The following SMYD3 variants were observed in gnomAD, a reference collection of about 807,000 sequenced individuals.
The protein encoded by SMYD3 is SET and MYND domain containing 3, also known as histone-lysine N-methyltransferase SMYD3.
In SMYD3, 36 loss-of-function variants were observed where a neutral mutation model predicts 57.7. The observed-to-expected ratio is 0.62, with a 90% CI of 0.48 to 0.82. The LOEUF (loss-of-function observed/expected upper bound fraction) is 0.82. Ranked by LOEUF, SMYD3 falls within the 40% of genes least tolerant of loss-of-function variation. The pLI is 0.00. For missense variants in SMYD3, 515 were observed against 538.8 expected (o/e 0.96, Z 0.44); for synonymous variants, 211 against 195.0 (o/e 1.08, Z -0.68).
At chr1:246,495,283 A>G (rs1023085571) in intron 1 of SMYD3, among the ~76,000 whole-genome samples, 2 of 133,376 alleles carry the variant, frequency 1.5e-5, no homozygotes, top group African/African-American at 2.9e-5. Flanking sequence ...CGGGAGGCGG[A>G]GCTTGCTGTG....
intron 5 of SMYD3, among the ~76,000 whole-genome samples, chr1:246,123,066 G>A (rs548406650): frequency 6.6e-6 from 1 of 152,128 alleles, no homozygotes; most frequent in Non-Finnish European, 1.5e-5. Context: ...CCTTTACAAT[G>A]TACTATCCTC....
intron 8 of SMYD3, among the ~76,000 whole-genome samples, chr1:245,887,155 A>G (rs1188960109): frequency 2.0e-5 from 3 of 152,158 alleles, no homozygotes; most frequent in Non-Finnish European, 2.9e-5. Flanking sequence ...AACAGGTCAT[A>G]AAGACCTTGC....
At chr1:245,979,745 A>G (rs1405736383) in intron 5 of SMYD3, among the ~76,000 whole-genome samples, 3 of 152,210 alleles carry the variant, frequency 2.0e-5, no homozygotes, top group Non-Finnish European at 2.9e-5. Context: ...AATCGAATAC[A>G]GCATCCCAAT....
chr1:245,987,838 C>T (rs531824377), intron 5 of SMYD3, among the ~76,000 whole-genome samples: 1 of 152,122 alleles, frequency 6.6e-6, no homozygotes, highest in Non-Finnish European at 1.5e-5. Flanking sequence ...AGAACAGCTT[C>T]GTTGTATTCT....
chr1:245,795,079 G>C (rs1193934577), intron 10 of SMYD3, among the ~76,000 whole-genome samples: 1 of 152,074 alleles, frequency 6.6e-6, no homozygotes, highest in Non-Finnish European at 1.5e-5. Context: ...ATCTGTCTCT[G>C]TCCCTGTCTC....
intron 4 of SMYD3, among the ~76,000 whole-genome samples, chr1:246,328,737 T>C (rs914934746): frequency 1.3e-5 from 2 of 151,998 alleles, no homozygotes; most frequent in Non-Finnish European, 2.9e-5. Context: ...ATGTGCACAA[T>C]GTGCAGGTTA....
At chr1:246,106,150 C>A (rs6681796) in intron 5 of SMYD3, among the ~76,000 whole-genome samples, 17,908 of 151,860 alleles carry the variant, frequency 0.12, 1,525 homozygotes, top group African/African-American at 0.24. Flanking sequence ...TAACCCATAT[C>A]CGGAAAATTA....
chr1:246,357,715 C>T (rs1167489805), intron 1 of SMYD3, among the ~76,000 whole-genome samples: 1 of 152,124 alleles, frequency 6.6e-6, no homozygotes, highest in Non-Finnish European at 1.5e-5. Flanking sequence ...TGCAGCAAAA[C>T]TAAGCTTCAT....
intron 5 of SMYD3, among the ~76,000 whole-genome samples, chr1:245,977,375 T>C (rs1385466747): frequency 6.6e-6 from 1 of 152,134 alleles, no homozygotes; most frequent in African/African-American, 2.4e-5. Flanking sequence ...AGTCCATCCT[T>C]AATCACAAAA....
intron 5 of SMYD3, among the ~76,000 whole-genome samples, chr1:245,952,040 G>A (rs1210624355): frequency 2.1e-5 from 3 of 144,606 alleles, no homozygotes; most frequent in African/African-American, 8.2e-5. Context: ...ATAGCAAAAT[G>A]ATTTAGATTA....
At chr1:246,429,093 G>A (rs1437487192) in intron 1 of SMYD3, among the ~76,000 whole-genome samples, 1 of 147,132 alleles carries the variant, frequency 6.8e-6, no homozygotes, top group Admixed American at 6.7e-5. Context: ...CCGTAGACAG[G>A]GAATAAGGTT....
intron 2 of SMYD3, among the ~76,000 whole-genome samples, chr1:246,338,157 G>C (rs2065574756): frequency 6.6e-6 from 1 of 152,168 alleles, no homozygotes; most frequent in African/African-American, 2.4e-5. Context: ...AAATTGGTCT[G>C]TAATATGGTA....
At chr1:245,855,740 G>A (rs772061678) in intron 10 of SMYD3, among the ~76,000 whole-genome samples, 2 of 152,174 alleles carry the variant, frequency 1.3e-5, no homozygotes, top group Non-Finnish European at 2.9e-5. Flanking sequence ...AAATAAATGA[G>A]AGTAGCAAGA....
chr1:246,030,178 T>G (rs79572627), intron 5 of SMYD3, among the ~76,000 whole-genome samples: 1 of 151,992 alleles, frequency 6.6e-6, no homozygotes, highest in East Asian at 1.9e-4. Context: ...CTTTCACGCA[T>G]GAAGCATTAA....
intron 5 of SMYD3, among the ~76,000 whole-genome samples, chr1:246,002,959 C>A (rs1344407745): frequency 6.6e-6 from 1 of 152,222 alleles, no homozygotes. Context: ...GGCCTCACTG[C>A]ATGGCTCACA....
intron 5 of SMYD3, among the ~76,000 whole-genome samples, chr1:246,142,819 C>A (rs1268503386): frequency 6.6e-6 from 1 of 152,138 alleles, no homozygotes; most frequent in Non-Finnish European, 1.5e-5. Flanking sequence ...CTTTTCTGGA[C>A]ACCTACAAAC....
At chr1:246,117,603 A>G (rs951718820) in intron 5 of SMYD3, among the ~76,000 whole-genome samples, 25 of 152,200 alleles carry the variant, frequency 1.6e-4, no homozygotes, top group Non-Finnish European at 3.4e-4. Context: ...TCCTGACCCC[A>G]GTGCTCGCTC....
chr1:246,462,463 G>A (rs772646256), intron 1 of SMYD3, among the ~76,000 whole-genome samples: 1 of 152,118 alleles, frequency 6.6e-6, no homozygotes, highest in Non-Finnish European at 1.5e-5. Flanking sequence ...CCCCGACTGT[G>A]CCACTGTGTC....
At chr1:246,038,445 C>T (rs993708066) in intron 5 of SMYD3, among the ~76,000 whole-genome samples, 5 of 151,994 alleles carry the variant, frequency 3.3e-5, no homozygotes, top group Admixed American at 1.3e-4. Context: ...TGAAAACTTT[C>T]GACGGAAGGC....
Sources: allele counts gnomAD v4.1 joint callset (sites outside exome capture counted in the v4.1 genomes callset), GRCh38; gene constraint gnomAD v4.1.1; transcripts MANE v1.5; gene names NCBI Gene and HGNC (gene_info 2026-07-23, HGNC 2026-07-21).